ASAP1: variants seen among roughly 807,000 people sequenced by gnomAD.
ASAP1 encodes the protein arf-GAP with SH3 domain, ANK repeat and PH domain-containing protein 1.
In ASAP1, 43 loss-of-function variants were observed where a neutral mutation model predicts 145.2. The observed-to-expected ratio is 0.30, with a 90% CI of 0.23 to 0.38. The LOEUF (loss-of-function observed/expected upper bound fraction) is 0.38. Ranked by LOEUF, ASAP1 falls within the 10% of genes least tolerant of loss-of-function variation. ASAP1 has a pLI of 1.00. For synonymous variants in ASAP1, 546 were observed against 515.5 expected, an observed-to-expected ratio of 1.06 and a Z score of -0.80; for missense variants, 1,018 against 1,355.3, an observed-to-expected ratio of 0.75 and a Z score of 3.91.
At chr8:130,322,182 C>T (rs193117867) in intron 3 of ASAP1, among the ~76,000 whole-genome samples, 1 of 152,002 alleles carries the variant, frequency 6.6e-6, no homozygotes, top group African/African-American at 2.4e-5. Flanking sequence ...AATAAAACAA[C>T]TTCCAAAAGA....
At chr8:130,316,927 C>A (rs917404897) in intron 3 of ASAP1, among the ~76,000 whole-genome samples, 1 of 152,168 alleles carries the variant, frequency 6.6e-6, no homozygotes, top group Admixed American at 6.5e-5. Flanking sequence ...CTCTCCAACA[C>A]GACAACTCAT....
chr8:130,332,465 G>C (rs1824756832), intron 3 of ASAP1, among the ~76,000 whole-genome samples: 1 of 152,030 alleles, frequency 6.6e-6, no homozygotes, highest in Non-Finnish European at 1.5e-5. Context: ...TTCATTATTT[G>C]TACACTGTCA....
At chr8:130,343,904 C>G (rs1825542583) in intron 3 of ASAP1, among the ~76,000 whole-genome samples, 1 of 152,200 alleles carries the variant, frequency 6.6e-6, no homozygotes, top group Non-Finnish European at 1.5e-5. Flanking sequence ...AGAGATGTAT[C>G]TGAGCAAAAT....
At chr8:130,433,314 C>A (rs1050072043) in intron 1 of ASAP1, among the ~76,000 whole-genome samples, 9 of 152,222 alleles carry the variant, frequency 5.9e-5, no homozygotes, top group Admixed American at 1.3e-4. Flanking sequence ...ATTCCTACCA[C>A]AAAGCCTTCG....
At chr8:130,126,540 T>C (rs2097575260) in intron 16 of ASAP1, among the ~76,000 whole-genome samples, 1 of 152,224 alleles carries the variant, frequency 6.6e-6, no homozygotes, top group South Asian at 2.1e-4. Context: ...ATAAGACAGC[T>C]GTAAATATTG....
At chr8:130,183,145 G>C (rs539777746) in intron 7 of ASAP1, among the ~76,000 whole-genome samples, 150 of 152,054 alleles carry the variant, frequency 9.9e-4, no homozygotes, top group Non-Finnish European at 2.0e-3. Flanking sequence ...GGCACTTGAA[G>C]ACTCTTCGTA....
At chr8:130,236,234 G>T (rs1818206960) in intron 4 of ASAP1, among the ~76,000 whole-genome samples, 1 of 152,102 alleles carries the variant, frequency 6.6e-6, no homozygotes, top group African/African-American at 2.4e-5. Flanking sequence ...AACAAAAGAT[G>T]TGAGTGAGAA....
rs1036596205 is a variant in ASAP1 at position 130,252,914 on chromosome 8, A to T, written c.187-15920T>A. Among the ~76,000 whole-genome samples the T allele has an allele frequency of 1.1e-4, 17 of 151,986 alleles. 1 individual carries two copies. The highest frequency in any genetic ancestry group is 6.2e-4 in the South Asian group (3 of 4,826). On this transcript the variant is annotated intron_variant, in intron 3 of 29. Transcript: ENST00000518721. ...CTGAGTCACATCTTTTCAGGACAGT[A>T]AGAACTTACAGGATCCTACTTCAAA...
intron 3 of ASAP1, among the ~76,000 whole-genome samples, chr8:130,301,896 G>T (rs1226304682): frequency 4.6e-5 from 7 of 152,170 alleles, no homozygotes; most frequent in Admixed American, 4.6e-4. Flanking sequence ...TTGCATACAG[G>T]ATAATCTTCA....
intron 2 of ASAP1, among the ~76,000 whole-genome samples, chr8:130,385,723 CTCT>C (rs1827982522): frequency 6.6e-6 from 1 of 152,212 alleles, no homozygotes; most frequent in South Asian, 2.1e-4. Flanking sequence ...CCAACAGAGG[CTCT>C]TCAACAGCCC....
intron 4 of ASAP1, among the ~76,000 whole-genome samples, chr8:130,225,936 C>T (rs1343709820): frequency 4.6e-5 from 7 of 152,090 alleles, no homozygotes; most frequent in South Asian, 2.1e-4. Context: ...TGTAATGCCG[C>T]GGCATGGTCA....
chr8:130,302,073 G>A (rs1050904891), intron 3 of ASAP1, among the ~76,000 whole-genome samples: 17 of 152,212 alleles, frequency 1.1e-4, no homozygotes, highest in Non-Finnish European at 2.5e-4. Context: ...AGAAAGACAG[G>A]TAAATAGATA....
intron 28 of ASAP1, among the ~76,000 whole-genome samples, 192 bp downstream of exon 28, chr8:130,060,387 C>T (rs895705468): frequency 1.3e-5 from 2 of 152,204 alleles, no homozygotes; most frequent in South Asian, 4.1e-4. Flanking sequence ...GTCTTGAAGC[C>T]TGTCTGCTGG....
At chr8:130,058,183 G>T in intron 28 of ASAP1, 107 bp from the exon 29 acceptor site, 1 of 1,251,002 alleles carries the variant, frequency 8.0e-7, no homozygotes, top group Non-Finnish European at 1.1e-6. Context: ...TAACCTCGCT[G>T]AGCCTTGATT....
chr8:130,211,817 T>C (rs975905146), intron 5 of ASAP1, among the ~76,000 whole-genome samples: 6 of 152,230 alleles, frequency 3.9e-5, no homozygotes. Flanking sequence ...GTCTATAAAG[T>C]ACCAAAGCAC....
intron 4 of ASAP1, among the ~76,000 whole-genome samples, chr8:130,218,864 T>C (rs554157444): frequency 7.9e-5 from 12 of 151,888 alleles, no homozygotes; most frequent in Admixed American, 2.0e-4. Context: ...TATATATATA[T>C]GCATATGTAT....
intron 2 of ASAP1, among the ~76,000 whole-genome samples, chr8:130,360,515 T>A (rs564486637): frequency 6.6e-6 from 1 of 152,226 alleles, no homozygotes; most frequent in Non-Finnish European, 1.5e-5. Context: ...GAGATGCTCA[T>A]CAATGTCCTC....
chr8:130,407,304 C>A (rs963310606), intron 1 of ASAP1, among the ~76,000 whole-genome samples: 30 of 152,274 alleles, frequency 2.0e-4, no homozygotes, highest in African/African-American at 6.3e-4. Flanking sequence ...ATTGCCCCAC[C>A]GAAGGGAAAG....
chr8:130,110,569 A>T (rs1255204115), intron 24 of ASAP1, among the ~76,000 whole-genome samples: 2 of 152,196 alleles, frequency 1.3e-5, no homozygotes, highest in African/African-American at 4.8e-5. Context: ...AAAAACATAC[A>T]TTTTAGTACA....
Sources: allele counts gnomAD v4.1 joint callset (sites outside exome capture counted in the v4.1 genomes callset), GRCh38; gene constraint gnomAD v4.1.1; transcripts MANE v1.5; gene names NCBI Gene and HGNC (gene_info 2026-07-23, HGNC 2026-07-21).